The following EIF3F variants were observed in gnomAD, a reference collection of about 807,000 sequenced individuals.
EIF3F encodes eukaryotic translation initiation factor 3 subunit F.
EIF3F carries 8 observed loss-of-function variants against 36.0 expected under a neutral mutation model. The ratio of observed to expected loss-of-function variants is 0.22; its 90% CI spans 0.13 to 0.40. The LOEUF (loss-of-function observed/expected upper bound fraction) is 0.40. EIF3F is among the 10% of genes least tolerant of loss of function. EIF3F has a pLI of 1.00. For synonymous variants in EIF3F, 184 were observed against 188.5 expected (o/e 0.98, Z 0.19); for missense variants, 430 against 467.6 (o/e 0.92, Z 0.74).
In EIF3F at chr11:7,998,714, A is replaced by G. The variant is rs1471697242; in HGVS notation, c.*2692A>G. On this transcript the variant is annotated 3_prime_UTR_variant, in exon 8 of 8. Coordinates refer to ENST00000651655, the MANE Select transcript of EIF3F (RefSeq NM_003754.3). ...TATTATGTGTGTGTATATTATATAT[A>G]TGATAAAAAACAAAAGAATGATAAA... 2 of 152,226 alleles carry G rather than the reference A, an allele frequency of 1.3e-5. No homozygotes were observed. Among genetic ancestry groups the G allele is most frequent in the African/African-American group, 4.8e-5 (2 of 41,458 alleles). The allele number at this position is 152,226 out of a possible 1,614,324, so 9.4% of individuals were successfully genotyped here. A position where few individuals can be genotyped will look rare whatever the true frequency, so the allele number is the denominator to read the frequency against.
chr11:7,991,643 C>G, intron 1 of EIF3F, 138 bp from the exon 2 acceptor site: 2 of 821,316 alleles, frequency 2.4e-6, no homozygotes, highest in South Asian at 1.5e-5. Flanking sequence ...ATCGATGCAC[C>G]GGACTAAACT....
rs1271107495 is a variant in EIF3F, at chr11:7,994,456, G to A, written c.684G>A (p.Met228Ile). 2.5e-6 allele frequency: 4 copies of A among 1,613,952 alleles called. No individual in the cohort carries two copies. Among genetic ancestry groups the A allele is most frequent in the African/African-American group, 1.3e-5 (1 of 74,902 alleles). Residue 228 changes from methionine to isoleucine, a missense_variant, in exon 5 of 8, where the codon ATG becomes ATA. Physicochemically the swap from Met to Ile is conservative, Grantham distance 10. Transcript: ENST00000651655. ...STLMGVPGRT[M>I]GVMFTPLTVK... Reference sequence around the variant, plus strand: ...TAATGGGAGTCCCTGGGAGGACCATGGGAGTGATGTTCACGCCTCTGACAG... The same window carrying A: ...TAATGGGAGTCCCTGGGAGGACCATAGGAGTGATGTTCACGCCTCTGACAG...
rs553615887 is a variant in EIF3F at position 7,988,808 on chromosome 11, T to C, written c.364+1092T>C. 5.3e-4 allele frequency among the ~76,000 whole-genome samples: 81 copies of C among 152,346 alleles called. No homozygotes were observed. In the South Asian group the frequency reaches 0.015, roughly 29 times the overall value. On this transcript the variant is annotated intron_variant, in intron 1 of 7. Coordinates refer to ENST00000651655, the MANE Select transcript of EIF3F (RefSeq NM_003754.3). ...GTTCTGTCAGGAGCTACTTTAGACT[T>C]AGTCTTTGTGAGAGCTAAATTAAAA...
At chr11:7,992,416 T>A (rs549617725) in intron 3 of EIF3F, 77 of 515,926 alleles carry the variant, frequency 1.5e-4, no homozygotes, top group African/African-American at 1.4e-3. Flanking sequence ...AAACATTTTT[T>A]AAAAACTTAG....
intron 1 of EIF3F, among the ~76,000 whole-genome samples, chr11:7,991,567 G>A (rs1942096028): frequency 6.6e-6 from 1 of 152,184 alleles, no homozygotes; most frequent in Non-Finnish European, 1.5e-5. Flanking sequence ...ACCCTATTTG[G>A]TGATGATTAG....
Position 7,999,969 on chromosome 11 carries a change from C to G in EIF3F, c.*3947C>G, listed in dbSNP as rs1942202290. ...CTGTAATCCCAGCACTTTGGGAGGC[C>G]AAGGCAGGTGGATCATTTGAGGTCA... On this transcript the variant is annotated 3_prime_UTR_variant, in exon 8 of 8. Transcript: ENST00000651655. The G allele has an allele frequency of 6.6e-6, 1 of 152,144 alleles. No homozygotes were observed. 9.4% of individuals were successfully genotyped at this position (152,144 alleles called of 1,614,324 possible). A position where few individuals can be genotyped will look rare whatever the true frequency, so the allele number is the denominator to read the frequency against.
intron 7 of EIF3F, 114 bp downstream of exon 7, chr11:7,995,481 T>A (rs1462890566): frequency 6.8e-6 from 6 of 884,710 alleles, no homozygotes; most frequent in Non-Finnish European, 1.2e-5. Flanking sequence ...GAGACAGGGC[T>A]TCACCTATAG....
intron 1 of EIF3F, among the ~76,000 whole-genome samples, chr11:7,988,197 G>T (rs1942050981): frequency 1.3e-5 from 2 of 152,194 alleles, no homozygotes; most frequent in Admixed American, 1.3e-4. Context: ...TTTCTAACCA[G>T]TTGTCAAAGG....
rs1315390413 is a variant in EIF3F at position 7,995,025 on chromosome 11, T to C, written c.789T>C (p.Ile263=). The change falls in exon 6 of 8, where the codon ATT becomes ATC. Residue 263 remains isoleucine, a synonymous_variant. Coordinates refer to ENST00000651655, the MANE Select transcript of EIF3F (RefSeq NM_003754.3). ...CCTGCTTTAGCCCCAACAGAGTGAT[T>C]GGACTCTCAAGTGACTTGCAGCAAG... The part of the protein sequence containing the change: ...MKTCFSPNRV[I]GLSSDLQQVG... 6.2e-7 allele frequency: 1 copy of C among 1,613,886 alleles called. No individual in the cohort carries two copies. The highest frequency in any genetic ancestry group is 1.3e-5 in the African/African-American group (1 of 75,022).
intron 1 of EIF3F, among the ~76,000 whole-genome samples, chr11:7,991,546 A>C (rs899175297): frequency 1.3e-5 from 2 of 152,228 alleles, no homozygotes; most frequent in African/African-American, 4.8e-5. Flanking sequence ...GACCTTGTAA[A>C]GGAAGAATAA....
Position 7,997,571 on chromosome 11 carries a change from TAAAAC to T in EIF3F, c.*1553_*1557del, listed in dbSNP as rs1456504278. On this transcript the variant is annotated 3_prime_UTR_variant, in exon 8 of 8. Coordinates refer to ENST00000651655, the MANE Select transcript of EIF3F (RefSeq NM_003754.3). The stretch of plus-strand genomic sequence containing the variant: ...ACTAGCCCAAGGAAAAATTGAATAT[TAAAAC>T]AAACCCCAATCATATGCTGTTTACA... 1.3e-5 allele frequency: 2 copies of T among 152,152 alleles called. No individual in the cohort carries two copies. The highest frequency in any genetic ancestry group is 2.4e-5 in the African/African-American group (1 of 41,436). 9.4% of individuals were successfully genotyped at this position (152,152 alleles called of 1,614,324 possible).
chr11:7,991,507 C>G (rs1271052304), intron 1 of EIF3F, among the ~76,000 whole-genome samples: 2 of 152,008 alleles, frequency 1.3e-5, no homozygotes, highest in Non-Finnish European at 2.9e-5. Flanking sequence ...CTGGAATAGG[C>G]TAGTAGTGGA....
At position 7,987,558 on chromosome 11, in the gene EIF3F, C is replaced by T. The variant is rs1387013807; in HGVS notation, c.206C>T (p.Pro69Leu). The change falls in exon 1 of 8, where the codon CCA becomes CTA. Residue 69 changes from proline (P) to leucine (L), a missense_variant. Coordinates refer to ENST00000651655, the MANE Select transcript of EIF3F (RefSeq NM_003754.3). The stretch of plus-strand genomic sequence containing the variant: ...CAGACCCCGGCCTCAGCGCAAGCTC[C>T]AGCGCAGACCCCAGCGCCCGCTCTG... ...PGQTPASAQA[P>L]AQTPAPALPG... 3.8e-6 allele frequency: 6 copies of T among 1,598,844 alleles called. No homozygotes were observed. The highest frequency in any genetic ancestry group is 4.3e-6 in the Non-Finnish European group (5 of 1,174,336).
At chr11:7,994,186 T>G (rs1209289109) in intron 4 of EIF3F, among the ~76,000 whole-genome samples, 1 of 152,180 alleles carries the variant, frequency 6.6e-6, no homozygotes, top group Non-Finnish European at 1.5e-5. Context: ...GAAGTAATCC[T>G]CTAAAGGGAC....
Position 7,993,017 on chromosome 11 carries a change from T to C in EIF3F, c.646T>C (p.Tyr216His). ...GAACGGCCGCATGAGCATCAAAGCC[T>C]ACGTCAGGTGACCACAGTCTTGGGC... is the stretch of plus-strand genomic sequence containing the variant. Reference protein sequence around the residue: ...LQNGRMSIKAYVSTLMGVPGR... With the variant: ...LQNGRMSIKAHVSTLMGVPGR... Residue 216 changes from tyrosine to histidine, a missense_variant, in exon 4 of 8, where the codon TAC becomes CAC. This residue lies in a region of EIF3F where 262 missense variants were observed against 347.4 expected (regional missense o/e 0.75). Transcript: ENST00000651655. 1 of 1,595,186 alleles carries C rather than the reference T, an allele frequency of 6.3e-7. No homozygotes were observed. The highest frequency in any genetic ancestry group is 8.5e-7 in the Non-Finnish European group (1 of 1,170,216).
intron 1 of EIF3F, among the ~76,000 whole-genome samples, chr11:7,991,064 G>A (rs1006979865): frequency 1.3e-5 from 2 of 151,694 alleles, no homozygotes; most frequent in African/African-American, 4.8e-5. Flanking sequence ...GCGTGGTGAT[G>A]CGCACCTGTA....
chr11:7,989,647 A>G (rs1276192573), intron 1 of EIF3F, among the ~76,000 whole-genome samples: 1 of 152,232 alleles, frequency 6.6e-6, no homozygotes, highest in Non-Finnish European at 1.5e-5. Context: ...CTTAAATGCA[A>G]ATAATTAGAA....
rs1942191355 is a variant in EIF3F, at chr11:7,998,938, TGTATTTAAACAA to T, written c.*2918_*2929del. The T allele has an allele frequency of 6.6e-6, 1 of 152,104 alleles. No individual in the cohort carries two copies. The highest frequency in any genetic ancestry group is 1.5e-5 in the Non-Finnish European group (1 of 68,020). The allele number at this position is 152,104 out of a possible 1,614,324, so 9.4% of individuals were successfully genotyped here. A position where few individuals can be genotyped will look rare whatever the true frequency, so the allele number is the denominator to read the frequency against. ...GCGTTATTCTAGACTTATTAGCCAT[TGTATTTAAACAA>T]GAGGAAATAGAGACATTGAAGATAA... is the stretch of plus-strand genomic sequence containing the variant. On this transcript the variant is annotated 3_prime_UTR_variant, in exon 8 of 8. Coordinates refer to ENST00000651655, the MANE Select transcript of EIF3F (RefSeq NM_003754.3).
rs1249307465 is a variant in EIF3F, at chr11:7,987,366, C to G, written c.14C>G (p.Ala5Gly). The G allele has an allele frequency of 6.3e-7, 1 of 1,594,186 alleles. No homozygotes were observed. The highest frequency in any genetic ancestry group is 8.5e-7 in the Non-Finnish European group (1 of 1,176,710). Reference sequence around the variant, plus strand: ...TTTCTCGACAAGATGGCCACACCGGCGGTACCAGTAAGTGCTCCTCCGGCC... The same window carrying G: ...TTTCTCGACAAGATGGCCACACCGGGGGTACCAGTAAGTGCTCCTCCGGCC... MATP[A>G]VPVSAPPATP... The change falls in exon 1 of 8, where the codon GCG becomes GGG. Residue 5 changes from alanine to glycine, a missense_variant. By Grantham distance (60) the Ala-to-Gly change is moderately conservative. Coordinates refer to ENST00000651655, the MANE Select transcript of EIF3F (RefSeq NM_003754.3).
Sources: gnomAD v4.1 joint callset for allele counts (sites outside exome capture counted in the v4.1 genomes callset) on GRCh38, gnomAD v4.1.1 for gene constraint, gnomAD v4.1.1 regional missense constraint, MANE v1.5 for transcripts, NCBI Gene and HGNC (gene_info 2026-07-23, HGNC 2026-07-21) for gene names.